XKR9: variants seen among roughly 807,000 people sequenced by gnomAD.
The protein encoded by XKR9 is XK-related protein 9.
A neutral mutation model predicts 32.0 loss-of-function variants in XKR9; 32 were observed. That is an observed-to-expected ratio of 1.00 (90% CI 0.76 to 1.34). XKR9 has a LOEUF of 1.34. XKR9 is among the 40% of genes most tolerant of loss of function. XKR9 has a pLI of 0.00. For synonymous variants in XKR9, 168 were observed against 143.4 expected (o/e 1.17, Z -1.22); for missense variants, 546 against 429.7 (o/e 1.27, Z -2.39).
the XKR9 span, among the ~76,000 whole-genome samples, chr8:70,992,489 A>G: frequency 6.6e-6 from 1 of 152,136 alleles, no homozygotes; most frequent in Admixed American, 6.5e-5. Context: ...TGTTGGCCTC[A>G]GTGGAATGAT....
chr8:70,752,953 C>T lies in XKR9; in HGVS notation n.353-36386C>T, dbSNP rs368187854. ...GAAGGAAATAGAGACACAAAAAACC[C>T]TTCAAAAAATTAATGAATCCAGGAG... On this transcript the variant is annotated intron_variant and non_coding_transcript_variant, in intron 2 of 3. Coordinates refer to the XKR9 transcript ENST00000520273. Among the ~76,000 whole-genome samples, 20 of 152,200 alleles carry T rather than the reference C, an allele frequency of 1.3e-4. No homozygotes were observed. The South Asian group carries it at 4.2e-3, about 32-fold the overall frequency.
At chr8:70,984,847 T>C in the XKR9 span, among the ~76,000 whole-genome samples, 4 of 152,152 alleles carry the variant, frequency 2.6e-5, no homozygotes, top group African/African-American at 7.2e-5. Flanking sequence ...AAAACTGAAA[T>C]TATTAGGAAG....
intron 3 of XKR9, among the ~76,000 whole-genome samples, chr8:70,706,704 T>C (rs1221439073): frequency 6.6e-6 from 1 of 152,028 alleles, no homozygotes; most frequent in Non-Finnish European, 1.5e-5. Context: ...TATGTATACT[T>C]AATAGAACTA....
the XKR9 span, among the ~76,000 whole-genome samples, chr8:71,015,924 A>T: frequency 6.6e-6 from 1 of 152,186 alleles, no homozygotes; most frequent in East Asian, 1.9e-4. Flanking sequence ...TACTATATAG[A>T]AAAGGGGTGC....
chr8:70,796,421 A>G, the XKR9 span, among the ~76,000 whole-genome samples: 1 of 152,090 alleles, frequency 6.6e-6, no homozygotes, highest in South Asian at 2.1e-4. Flanking sequence ...TTCAGCAGTA[A>G]CATTTCCTTT....
At chr8:70,879,597 G>C in the XKR9 span, among the ~76,000 whole-genome samples, 5 of 152,014 alleles carry the variant, frequency 3.3e-5, no homozygotes, top group African/African-American at 4.8e-5. Context: ...ACCCTCCCAA[G>C]ACTAAACCAG....
chr8:70,907,655 T>C, the XKR9 span, among the ~76,000 whole-genome samples: 1 of 152,248 alleles, frequency 6.6e-6, no homozygotes. Flanking sequence ...TATTGATATT[T>C]AGACCTACTT....
At chr8:70,880,379 A>T in the XKR9 span, among the ~76,000 whole-genome samples, 1 of 152,176 alleles carries the variant, frequency 6.6e-6, no homozygotes, top group Non-Finnish European at 1.5e-5. Context: ...AAACCCCATC[A>T]TCTCAGCCCC....
At chr8:70,912,349 G>C in the XKR9 span, among the ~76,000 whole-genome samples, 1 of 152,132 alleles carries the variant, frequency 6.6e-6, no homozygotes, top group African/African-American at 2.4e-5. Context: ...AACTGTAGAT[G>C]CATTACATGA....
chr8:70,990,853 G>T, the XKR9 span, among the ~76,000 whole-genome samples: 1 of 152,040 alleles, frequency 6.6e-6, no homozygotes, highest in East Asian at 1.9e-4. Flanking sequence ...TCATCAGTTT[G>T]CTTTTAAAAT....
chr8:70,770,315 TCTTCATCCCA>T (rs1807436683), intron 2 of XKR9, among the ~76,000 whole-genome samples: 1 of 152,184 alleles, frequency 6.6e-6, no homozygotes, highest in African/African-American at 2.4e-5. Context: ...TCCTCTGGAA[TCTTCATCCCA>T]GAGGAGCACC....
At chr8:70,858,795 G>C in the XKR9 span, among the ~76,000 whole-genome samples, 2 of 152,044 alleles carry the variant, frequency 1.3e-5, no homozygotes, top group Admixed American at 1.3e-4. Context: ...GGGAAAACTA[G>C]ATAACTACAT....
chr8:70,743,477 T>C (rs1273201917), intron 2 of XKR9, among the ~76,000 whole-genome samples: 1 of 152,202 alleles, frequency 6.6e-6, no homozygotes, highest in East Asian at 1.9e-4. Context: ...TCCTGGATGG[T>C]ATGAATGATA....
intron 2 of XKR9, among the ~76,000 whole-genome samples, chr8:70,779,418 T>C (rs1807584287): frequency 1.3e-5 from 2 of 152,118 alleles, no homozygotes. Flanking sequence ...TTCTCTTTTT[T>C]TGTTGTTGTG....
At chr8:70,921,770 A>G in the XKR9 span, among the ~76,000 whole-genome samples, 1 of 152,164 alleles carries the variant, frequency 6.6e-6, no homozygotes, top group African/African-American at 2.4e-5. Context: ...TGCTTCTGCT[A>G]ATTATACATT....
At chr8:71,059,982 T>C in the XKR9 span, among the ~76,000 whole-genome samples, 1 of 152,206 alleles carries the variant, frequency 6.6e-6, no homozygotes, top group Non-Finnish European at 1.5e-5. Flanking sequence ...AGTTCTTGCC[T>C]CCTCTGTGCT....
chr8:71,047,243 C>T, the XKR9 span, among the ~76,000 whole-genome samples: 1 of 152,148 alleles, frequency 6.6e-6, no homozygotes, highest in African/African-American at 2.4e-5. Context: ...GCTAAAGATT[C>T]TAGTGTCCTG....
the XKR9 span, among the ~76,000 whole-genome samples, chr8:70,865,999 C>A: frequency 6.6e-6 from 1 of 152,312 alleles, no homozygotes; most frequent in South Asian, 2.1e-4. Context: ...CTAATTTACT[C>A]TGTAATATAC....
At chr8:71,001,187 T>C in the XKR9 span, among the ~76,000 whole-genome samples, 1 of 152,196 alleles carries the variant, frequency 6.6e-6, no homozygotes, top group African/African-American at 2.4e-5. Context: ...GTAGATGACA[T>C]GGTGCAGCCA....
Sources: gnomAD v4.1 joint callset for allele counts (sites outside exome capture counted in the v4.1 genomes callset) on GRCh38, gnomAD v4.1.1 for gene constraint, MANE v1.5 for transcripts, NCBI Gene and HGNC (gene_info 2026-07-23, HGNC 2026-07-21) for gene names.